FRMPD4: variants seen among roughly 807,000 people sequenced by gnomAD.
The protein encoded by FRMPD4 is FERM and PDZ domain-containing protein 4.
A neutral mutation model predicts 94.1 loss-of-function variants in FRMPD4; 22 were observed. That is an observed-to-expected ratio of 0.23 (90% confidence interval 0.17 to 0.33). The LOEUF (loss-of-function observed/expected upper bound fraction) is 0.33, where lower values mean the gene tolerates loss of function less well. FRMPD4 is among the 10% of genes least tolerant of loss of function. FRMPD4 has a pLI of 1.00. For missense variants in FRMPD4, 1,111 were observed against 1,339.9 expected, an observed-to-expected ratio of 0.83 and a Z score of 2.67; for synonymous variants, 631 against 548.6, an observed-to-expected ratio of 1.15 and a Z score of -2.10.
chrX:12,110,137 T>C (rs981709300), intron 3 of FRMPD4, among the ~76,000 whole-genome samples: 1 of 112,364 alleles, frequency 8.9e-6, no homozygotes, highest in Non-Finnish European at 1.9e-5. Flanking sequence ...TTTAGACTGA[T>C]ATCCCTGATG....
intron 2 of FRMPD4, among the ~76,000 whole-genome samples, chrX:11,873,352 C>A (rs2053765354): frequency 9.0e-6 from 1 of 110,713 alleles, no homozygotes; most frequent in Non-Finnish European, 1.9e-5. Context: ...TTTAATAGAA[C>A]AATAAGTGAG....
At chrX:12,009,677 A>T (rs1241534485) in intron 3 of FRMPD4, among the ~76,000 whole-genome samples, 1 of 111,920 alleles carries the variant, frequency 8.9e-6, no homozygotes, top group East Asian at 2.8e-4. Context: ...ATAGCTACCA[A>T]CTTGAAGTTG....
At chrX:12,231,002 A>AT (rs1555938178) in intron 1 of FRMPD4, among the ~76,000 whole-genome samples, 1 of 50,770 alleles carries the variant, frequency 2.0e-5, no homozygotes, top group Non-Finnish European at 3.7e-5. Flanking sequence ...TAGTATATAT[A>AT]ATATATAGTA....
rs981239805 is a variant in FRMPD4, at chrX:12,678,524, A to C, written c.468+3616A>C. Among the ~76,000 whole-genome samples the C allele has an allele frequency of 2.7e-5, 3 of 112,380 alleles. No homozygotes were observed. In the Admixed American group the frequency reaches 2.8e-4, roughly 11 times the overall value. Reference sequence around the variant, plus strand: ...AAAGCCAATCTTACCTGAGACAGAGAGTATTTAAAGAGTTTCTACGGCTGG... The same window carrying C: ...AAAGCCAATCTTACCTGAGACAGAGCGTATTTAAAGAGTTTCTACGGCTGG... On this transcript the variant is annotated intron_variant, in intron 5 of 16. Coordinates refer to ENST00000675598, the MANE Select transcript of FRMPD4 (RefSeq NM_001368397.1).
At chrX:12,554,469 T>C (rs1471654348) in intron 2 of FRMPD4, among the ~76,000 whole-genome samples, 1 of 112,350 alleles carries the variant, frequency 8.9e-6, no homozygotes, top group Non-Finnish European at 1.9e-5. Context: ...GTCAATTCAA[T>C]AAGTCACAAC....
chrX:12,071,994 T>A (rs2054972826), intron 3 of FRMPD4, among the ~76,000 whole-genome samples: 1 of 111,369 alleles, frequency 9.0e-6, no homozygotes, highest in African/African-American at 3.3e-5. Flanking sequence ...TTATTGTATT[T>A]TATTAATTTA....
chrX:11,935,267 GTGT>G (rs2054150638), intron 3 of FRMPD4, among the ~76,000 whole-genome samples: 1 of 3,236 alleles, frequency 3.1e-4, no homozygotes, highest in African/African-American at 1.6e-3. Flanking sequence ...TTTTTTTAAT[GTGT>G]TTTTTTTTTT....
intron 3 of FRMPD4, among the ~76,000 whole-genome samples, chrX:12,089,209 G>A (rs1011893540): frequency 2.7e-5 from 3 of 111,959 alleles, no homozygotes; most frequent in Non-Finnish European, 5.6e-5. Flanking sequence ...CTGTCAATCA[G>A]CATTTAGGTG....
chrX:12,169,134 A>T (rs766690280), intron 1 of FRMPD4, among the ~76,000 whole-genome samples: 2 of 112,442 alleles, frequency 1.8e-5, no homozygotes, highest in East Asian at 5.6e-4. Flanking sequence ...ATGTGAGAAG[A>T]AGATTGTTCA....
At chrX:12,252,747 G>A (rs2054060255) in intron 1 of FRMPD4, among the ~76,000 whole-genome samples, 1 of 111,901 alleles carries the variant, frequency 8.9e-6, no homozygotes, top group Admixed American at 9.5e-5. Context: ...AAAAACTCAG[G>A]TGTGTTCAAT....
chrX:12,128,102 C>T, intron 3 of FRMPD4, among the ~76,000 whole-genome samples: 1 of 112,849 alleles, frequency 8.9e-6, no homozygotes. Flanking sequence ...GTGGAGCTAC[C>T]ATTCTGGGTT....
intron 3 of FRMPD4, among the ~76,000 whole-genome samples, chrX:11,935,254 T>G (rs2054149800): frequency 4.9e-5 from 2 of 40,475 alleles, no homozygotes; most frequent in African/African-American, 1.8e-4. Context: ...TTGTTGTTTT[T>G]TTTTTTTTTA....
At chrX:12,362,377 C>T (rs1163238701) in intron 1 of FRMPD4, among the ~76,000 whole-genome samples, 2 of 110,090 alleles carry the variant, frequency 1.8e-5, no homozygotes, top group Non-Finnish European at 1.9e-5. Context: ...CCATGACAGG[C>T]CCCGGTGTGT....
intron 1 of FRMPD4, among the ~76,000 whole-genome samples, chrX:11,844,978 C>A (rs1048562513): frequency 1.8e-5 from 2 of 112,010 alleles, no homozygotes; most frequent in African/African-American, 6.5e-5. Context: ...CTTAAATCTA[C>A]TGTTGTGCCC....
intron 1 of FRMPD4, among the ~76,000 whole-genome samples, chrX:12,309,224 C>T (rs1393418515): frequency 1.8e-5 from 2 of 111,895 alleles, no homozygotes; most frequent in Non-Finnish European, 3.8e-5. Context: ...CCAACCCTTG[C>T]TCCAGAGGCC....
chrX:12,155,232 C>G (rs1359750494), intron 1 of FRMPD4, among the ~76,000 whole-genome samples: 6 of 111,740 alleles, frequency 5.4e-5, no homozygotes, highest in African/African-American at 2.0e-4. Context: ...CAGAGATACA[C>G]TTGGAGAACA....
At chrX:12,720,010 G>GAAAGA (rs1390970957) in intron 16 of FRMPD4, among the ~76,000 whole-genome samples, 1,698 of 44,733 alleles carry the variant, frequency 0.038, 25 homozygotes, top group African/African-American at 0.072. Context: ...GAAAGGAAAG[G>GAAAGA]AAAGGAAAGG....
intron 9 of FRMPD4, among the ~76,000 whole-genome samples, chrX:12,698,064 A>G (rs778684832): frequency 1.8e-5 from 2 of 112,004 alleles, no homozygotes; most frequent in East Asian, 5.6e-4. Context: ...TCAAGATACT[A>G]AAAAGATGCA....
At chrX:11,865,704 C>A (rs965214281) in intron 2 of FRMPD4, among the ~76,000 whole-genome samples, 2 of 111,850 alleles carry the variant, frequency 1.8e-5, no homozygotes, top group Admixed American at 1.9e-4. Context: ...AAAGTTAGTA[C>A]TCTTAACTAG....
Sources: allele counts gnomAD v4.1 joint callset (sites outside exome capture counted in the v4.1 genomes callset), GRCh38; gene constraint gnomAD v4.1.1; transcripts MANE v1.5; gene names NCBI Gene and HGNC (gene_info 2026-07-23, HGNC 2026-07-21).